The following ATP10B variants were observed in gnomAD, a reference collection of about 807,000 sequenced individuals.
ATP10B encodes phospholipid-transporting ATPase VB.
Under a neutral mutation model 141.2 loss-of-function variants are expected in ATP10B, and 122 were observed. The ratio of observed to expected loss-of-function variants is 0.86; its 90% CI spans 0.75 to 1.00. ATP10B has a LOEUF of 1.00. ATP10B is among the 50% of genes least tolerant of loss of function. ATP10B has a pLI of 0.00. For missense variants in ATP10B, 1,876 were observed against 1,825.3 expected, an observed-to-expected ratio of 1.03 and a Z score of -0.51; for synonymous variants, 685 against 692.0, an observed-to-expected ratio of 0.99 and a Z score of 0.16.
chr5:160,647,120 C>T (rs1012060529), intron 8 of ATP10B, among the ~76,000 whole-genome samples: 2 of 152,190 alleles, frequency 1.3e-5, no homozygotes, highest in African/African-American at 2.4e-5. Context: ...ATTCAAAAGT[C>T]GCATTTTCAA....
At position 160,589,597 on chromosome 5, in the gene ATP10B, T is replaced by C. The variant is rs373169210; in HGVS notation, c.3745A>G (p.Thr1249Ala). 100 of 1,613,254 alleles carry C rather than the reference T, an allele frequency of 6.2e-5. 2 individuals are homozygous for C. The African/African-American group carries it at 1.2e-3, about 20-fold the overall frequency. ...AGGGGCTCTGGGACACTTACCCATG[T>C]CTTCATTTCCATTGCCTGGTGCAAA... ...ILLHQAMEMK[T>A]WTIFHGVVLL... is the part of the protein sequence containing the mutation. Residue 1249 changes from threonine (T) to alanine (A), a missense_variant, in exon 24 of 26, where the codon ACA becomes GCA. By Grantham distance (58) the Thr-to-Ala change is moderately conservative. Coordinates refer to ENST00000327245, the MANE Select transcript of ATP10B (RefSeq NM_025153.3).
chr5:160,731,611 G>A (rs940849085), intron 2 of ATP10B, among the ~76,000 whole-genome samples: 4 of 152,186 alleles, frequency 2.6e-5, no homozygotes, highest in Non-Finnish European at 5.9e-5. Flanking sequence ...TGGCCTGGGT[G>A]CCAGTGCAGT....
chr5:160,924,229 G>A, the ATP10B span, among the ~76,000 whole-genome samples: 2 of 152,258 alleles, frequency 1.3e-5, no homozygotes, highest in African/African-American at 2.4e-5. Flanking sequence ...GGCAATAGGA[G>A]TTTGGAGCAG....
intron 1 of ATP10B, among the ~76,000 whole-genome samples, chr5:160,843,864 G>C (rs1281673694): frequency 2.0e-5 from 3 of 151,356 alleles, no homozygotes; most frequent in Non-Finnish European, 4.4e-5. Flanking sequence ...GTAATATTTG[G>C]GGTTATTTTT....
the ATP10B span, among the ~76,000 whole-genome samples, chr5:160,858,885 AAT>A: frequency 1.3e-5 from 2 of 151,934 alleles, no homozygotes; most frequent in African/African-American, 4.8e-5. Flanking sequence ...AATTTTCATA[AAT>A]ATGTCCTCTA....
rs141999149 is a variant in ATP10B, at chr5:160,827,887, G to A, written c.-576+24054C>T. 6.0e-3 allele frequency among the ~76,000 whole-genome samples: 915 copies of A among 152,174 alleles called. 13 individuals carry two copies. Among genetic ancestry groups the A allele is most frequent in the African/African-American group, 0.021 (871 of 41,534 alleles). On this transcript the variant is annotated intron_variant, in intron 1 of 25. Coordinates refer to ENST00000327245, the MANE Select transcript of ATP10B (RefSeq NM_025153.3). ...CTTGTTCTTCTCAGGTTTGTCAAAG[G>A]TCAGATAGTTGCAGATATGTGGCGT...
At chr5:160,757,484 A>G (rs942558927) in intron 2 of ATP10B, among the ~76,000 whole-genome samples, 1 of 152,244 alleles carries the variant, frequency 6.6e-6, no homozygotes, top group Non-Finnish European at 1.5e-5. Flanking sequence ...GATATTGTCT[A>G]TATTATTCAC....
intron 22 of ATP10B, among the ~76,000 whole-genome samples, chr5:160,593,431 C>T (rs1478184387): frequency 6.6e-6 from 1 of 152,174 alleles, no homozygotes; most frequent in Non-Finnish European, 1.5e-5. Flanking sequence ...TCACCATCAT[C>T]AAAGACCAAA....
rs371849228 is a variant in ATP10B at position 160,652,884 on chromosome 5, T to A, written c.676-3628A>T. The stretch of plus-strand genomic sequence containing the variant: ...TTATATATAATATATATAATATATA[T>A]ATAATTATATAATATATTATATATA... On this transcript the variant is annotated intron_variant, in intron 7 of 25. Transcript: ENST00000327245. Among the ~76,000 whole-genome samples, 2 of 35,904 alleles carry A rather than the reference T, an allele frequency of 5.6e-5. 1 individual carries two copies. Among genetic ancestry groups the A allele is most frequent in the African/African-American group, 2.3e-4 (2 of 8,546 alleles). The allele number at this position is 35,904 out of a possible 152,430, so 23.6% of individuals were successfully genotyped here.
At chr5:160,841,820 G>T (rs1192543648) in intron 1 of ATP10B, among the ~76,000 whole-genome samples, 1 of 152,096 alleles carries the variant, frequency 6.6e-6, no homozygotes, top group Non-Finnish European at 1.5e-5. Context: ...TGCCTCCTGG[G>T]CACAAGCGAT....
At chr5:160,812,000 GACAGAGACAGAGAC>G (rs1773187016) in intron 1 of ATP10B, among the ~76,000 whole-genome samples, 1 of 129,064 alleles carries the variant, frequency 7.7e-6, no homozygotes, top group Non-Finnish European at 1.6e-5. Context: ...TGAACAGAGA[GACAGAGACAGAGAC>G]AGAGACAGAG....
chr5:160,580,443 G>A (rs1428421301), intron 24 of ATP10B, among the ~76,000 whole-genome samples: 3 of 142,046 alleles, frequency 2.1e-5, no homozygotes, highest in African/African-American at 7.6e-5. Flanking sequence ...CATTGGTTCT[G>A]TTTATGTGAT....
chr5:160,828,716 C>G (rs1281434189), intron 1 of ATP10B, among the ~76,000 whole-genome samples: 1 of 151,806 alleles, frequency 6.6e-6, no homozygotes, highest in African/African-American at 2.4e-5. Flanking sequence ...GGTATGTACC[C>G]AAAGGACTAT....
At chr5:160,872,615 C>T in the ATP10B span, among the ~76,000 whole-genome samples, 1 of 152,138 alleles carries the variant, frequency 6.6e-6, no homozygotes. Flanking sequence ...ATCCTAGCAC[C>T]ATTTGTTGAA....
At chr5:160,873,198 A>T in the ATP10B span, among the ~76,000 whole-genome samples, 14 of 150,374 alleles carry the variant, frequency 9.3e-5, no homozygotes, top group African/African-American at 3.4e-4. Flanking sequence ...TTTTGGTTTC[A>T]TATGAATTTT....
intron 2 of ATP10B, among the ~76,000 whole-genome samples, chr5:160,759,998 A>G (rs1029959485): frequency 4.6e-5 from 7 of 152,200 alleles, no homozygotes; most frequent in African/African-American, 1.7e-4. Flanking sequence ...CCATGCTTAC[A>G]GGGTCTTGGA....
the ATP10B span, among the ~76,000 whole-genome samples, chr5:160,888,962 T>A: frequency 6.6e-6 from 1 of 152,216 alleles, no homozygotes; most frequent in East Asian, 1.9e-4. Flanking sequence ...TCACAATGGC[T>A]TAAATAAACT....
At chr5:160,585,583 C>T (rs1755829987) in intron 24 of ATP10B, among the ~76,000 whole-genome samples, 1 of 152,258 alleles carries the variant, frequency 6.6e-6, no homozygotes, top group African/African-American at 2.4e-5. Context: ...GCCTGGATGA[C>T]AGAGCGAGAC....
chr5:160,565,991 C>T (rs1052594675), intron 25 of ATP10B, 91 bp from the exon 26 acceptor site: 3 of 1,236,508 alleles, frequency 2.4e-6, no homozygotes, highest in Non-Finnish European at 3.4e-6. Flanking sequence ...ATCCAACTCC[C>T]TGCCTGGAGC....
Sources: gnomAD v4.1 joint callset for allele counts (sites outside exome capture counted in the v4.1 genomes callset) on GRCh38, gnomAD v4.1.1 for gene constraint, MANE v1.5 for transcripts, NCBI Gene and HGNC (gene_info 2026-07-23, HGNC 2026-07-21) for gene names.